PHGDH: variants seen among roughly 807,000 people sequenced by gnomAD.
PHGDH encodes D-3-phosphoglycerate dehydrogenase.
In PHGDH, 50 loss-of-function variants were observed where a neutral mutation model predicts 52.6. That is an observed-to-expected ratio of 0.95 (90% confidence interval 0.76 to 1.20). PHGDH has a LOEUF of 1.20. PHGDH is among the 50% of genes most tolerant of loss of function. PHGDH has a pLI of 0.00. For synonymous variants in PHGDH, 271 were observed against 280.5 expected (o/e 0.97, Z 0.34); for missense variants, 630 against 684.6 (o/e 0.92, Z 0.89).
At chr1:119,730,216 C>A (rs1286230808) in intron 5 of PHGDH, 1 of 152,130 alleles carries the variant, frequency 6.6e-6, no homozygotes, top group East Asian at 1.9e-4. Context: ...TGTATAAGCA[C>A]CCAGACAGGA....
chr1:119,737,817 G>A (rs759240182), intron 8 of PHGDH, among the ~76,000 whole-genome samples: 35 of 152,100 alleles, frequency 2.3e-4, no homozygotes, highest in African/African-American at 2.2e-4. Flanking sequence ...TGGCATGTGC[G>A]TCTCCTACGA....
At chr1:119,726,486 C>T (rs587633689) in intron 3 of PHGDH, 11 of 387,614 alleles carry the variant, frequency 2.8e-5, no homozygotes, top group African/African-American at 1.0e-4. Flanking sequence ...CTGGAGTACT[C>T]GATGTCATCA....
chr1:119,726,673 G>T, intron 3 of PHGDH, 178 bp from the exon 4 acceptor site: 2 of 667,470 alleles, frequency 3.0e-6, no homozygotes, highest in Non-Finnish European at 5.5e-6. Flanking sequence ...CTTGCCAAGG[G>T]TTTCTCTCTT....
At chr1:119,726,705 T>C in intron 3 of PHGDH, 146 bp from the exon 4 acceptor site, 1 of 720,142 alleles carries the variant, frequency 1.4e-6, no homozygotes, top group Non-Finnish European at 2.6e-6. Context: ...TTATCCCCCA[T>C]CAGTGTTCCT....
intron 11 of PHGDH, 62 bp downstream of exon 11, chr1:119,743,106 A>G (rs892776191): frequency 2.9e-6 from 3 of 1,034,658 alleles, no homozygotes; most frequent in Non-Finnish European, 4.6e-6. Context: ...CTGCCCTGGA[A>G]TTGAACTCTA....
intron 3 of PHGDH, chr1:119,724,843 G>T (rs1476393447): frequency 2.2e-6 from 1 of 456,648 alleles, no homozygotes; most frequent in East Asian, 6.9e-5. Context: ...GCTCCCCATT[G>T]TCAACTGCTC....
At chr1:119,724,942 C>T in intron 3 of PHGDH, 1 of 453,338 alleles carries the variant, frequency 2.2e-6, no homozygotes, top group Non-Finnish European at 4.4e-6. Context: ...TCAGACTGTT[C>T]CTAGCAGGGA....
At chr1:119,733,126 G>T (rs895217683) in intron 5 of PHGDH, among the ~76,000 whole-genome samples, 1 of 152,162 alleles carries the variant, frequency 6.6e-6, no homozygotes, top group Admixed American at 6.5e-5. Flanking sequence ...CCAGCGTTCT[G>T]AGCTGGAGGT....
At chr1:119,715,929 G>A (rs1474848949) in intron 1 of PHGDH, 1 of 152,476 alleles carries the variant, frequency 6.6e-6, no homozygotes, top group African/African-American at 2.4e-5. Context: ...TGAGCAGATG[G>A]GTGCATTTGG....
chr1:119,722,665 T>G (rs1422522987), intron 2 of PHGDH, among the ~76,000 whole-genome samples: 1 of 151,272 alleles, frequency 6.6e-6, no homozygotes, highest in African/African-American at 2.4e-5. Flanking sequence ...GAGGATCACT[T>G]GGGCCCAGGA....
intron 5 of PHGDH, 114 bp from the exon 6 acceptor site, chr1:119,734,520 C>G (rs1236749439): frequency 2.1e-5 from 20 of 970,628 alleles, no homozygotes; most frequent in Non-Finnish European, 3.2e-5. Context: ...ATTAATTAAG[C>G]TGAGCATGGT....
intron 3 of PHGDH, 80 bp from the exon 4 acceptor site, chr1:119,726,771 G>A (rs1180192247): frequency 5.2e-6 from 6 of 1,155,982 alleles, no homozygotes; most frequent in Admixed American, 5.1e-5. Context: ...GGCAGTGACT[G>A]TGCAAACCTG....
At position 119,723,388 on chromosome 1, in the gene PHGDH, G is replaced by C. The variant is rs753206778; in HGVS notation, c.303G>C (p.Gly101=). 3 of 1,613,564 alleles carry C rather than the reference G, an allele frequency of 1.9e-6. No homozygotes were observed. The highest frequency in any genetic ancestry group is 1.3e-5 in the African/African-American group (1 of 74,890). The change falls in exon 3 of 12, where the codon GGG becomes GGC. Residue 101 remains glycine (G), a synonymous_variant. Coordinates refer to ENST00000641023, the MANE Select transcript of PHGDH (RefSeq NM_006623.4). ...KGILVMNTPN[G]NSLSAAELTC... Reference sequence around the variant, plus strand: ...CTTTGATCTTTAGCACCCCCAATGGGAACAGCCTCAGTGCCGCAGAACTCA... The same window carrying C: ...CTTTGATCTTTAGCACCCCCAATGGCAACAGCCTCAGTGCCGCAGAACTCA...
chr1:119,721,338 G>GC lies in PHGDH; in HGVS notation c.290+18dup. ...GGTTATGAAGTAAGTCATGGAGGCTGCGGGCGGTTTGGGGGTAGGGGGGTG... is the reference window on the plus strand; with the variant it reads ...GGTTATGAAGTAAGTCATGGAGGCTGCCGGGCGGTTTGGGGGTAGGGGGGTG... On this transcript the variant is annotated intron_variant, in intron 2 of 11. Transcript: ENST00000641023. 1 of 1,611,202 alleles carries GC rather than the reference G, an allele frequency of 6.2e-7. No individual in the cohort carries two copies. The highest frequency in any genetic ancestry group is 1.7e-5 in the Admixed American group (1 of 59,980).
intron 5 of PHGDH, among the ~76,000 whole-genome samples, chr1:119,730,279 C>T (rs1055292378): frequency 6.6e-6 from 1 of 152,154 alleles, no homozygotes; most frequent in Admixed American, 6.5e-5. Flanking sequence ...GCCTCATCCT[C>T]TTTTTGGAAA....
Position 119,741,893 on chromosome 1 carries a change from T to G in PHGDH, c.1205T>G (p.Leu402Arg). ...NAKLLVKEAGLNVTTSHSPAA... is the reference protein window; with the variant it reads ...NAKLLVKEAGRNVTTSHSPAA... Reference sequence around the variant, plus strand: ...AAGCTGCTGGTGAAAGAGGCTGGCCTCAATGTGCGCCCCTCTCCCCCACGC... The same window carrying G: ...AAGCTGCTGGTGAAAGAGGCTGGCCGCAATGTGCGCCCCTCTCCCCCACGC... Residue 402 changes from leucine to arginine, a missense_variant, in exon 10 of 12, where the codon CTC becomes CGC. By Grantham distance (102) the Leu-to-Arg change is moderately radical. Coordinates refer to ENST00000641023, the MANE Select transcript of PHGDH (RefSeq NM_006623.4). The G allele has an allele frequency of 6.2e-7, 1 of 1,613,620 alleles. No individual in the cohort carries two copies. Among genetic ancestry groups the G allele is most frequent in the Non-Finnish European group, 8.5e-7 (1 of 1,179,566 alleles).
At chr1:119,742,450 C>G in intron 10 of PHGDH, 1 of 454,562 alleles carries the variant, frequency 2.2e-6, no homozygotes. Context: ...CTCCTGCATG[C>G]CAGTCATGCC....
chr1:119,736,249 A>T (rs1206009274), intron 7 of PHGDH, among the ~76,000 whole-genome samples: 1 of 152,106 alleles, frequency 6.6e-6, no homozygotes, highest in African/African-American at 2.4e-5. Context: ...CAGCTCTTAG[A>T]TCATAAGCTC....
intron 5 of PHGDH, chr1:119,727,538 G>A (rs1570999638): frequency 4.0e-6 from 1 of 247,376 alleles, no homozygotes; most frequent in East Asian, 1.0e-4. Context: ...TCATAAGAGT[G>A]AGGCAGTGTT....
Sources: gnomAD v4.1 joint callset for allele counts (sites outside exome capture counted in the v4.1 genomes callset) on GRCh38, gnomAD v4.1.1 for gene constraint, MANE v1.5 for transcripts, NCBI Gene and HGNC (gene_info 2026-07-23, HGNC 2026-07-21) for gene names.